Variants in ADK observed in about 807,000 individuals in gnomAD.
The protein encoded by ADK is N6,N6-dimethyladenosine kinase.
ADK carries 24 observed loss-of-function variants against 44.7 expected under a neutral mutation model. The ratio of observed to expected loss-of-function variants is 0.54; its 90% CI spans 0.39 to 0.76. The LOEUF is 0.76. Among genes scored for constraint, ADK ranks in the 30% least tolerant of loss-of-function variants. The pLI, the probability that ADK is intolerant of heterozygous loss-of-function variation, is 0.00. For synonymous variants in ADK, 128 were observed against 142.6 expected, an observed-to-expected ratio of 0.90 and a Z score of 0.73; for missense variants, 321 against 425.1, an observed-to-expected ratio of 0.76 and a Z score of 2.15.
chr10:74,159,969 C>T (rs1407614353), intron 1 of ADK, among the ~76,000 whole-genome samples: 1 of 152,172 alleles, frequency 6.6e-6, no homozygotes, highest in African/African-American at 2.4e-5. Context: ...ATTTATCTCT[C>T]ACGTAGGCCA....
chr10:74,580,704 C>CG (rs1554884021), intron 7 of ADK, among the ~76,000 whole-genome samples: 1 of 152,110 alleles, frequency 6.6e-6, no homozygotes, highest in East Asian at 1.9e-4. Context: ...ACATGGAACT[C>CG]TAAGTCCAAA....
At chr10:74,356,038 G>A (rs1243302847) in intron 4 of ADK, among the ~76,000 whole-genome samples, 11 of 110,900 alleles carry the variant, frequency 9.9e-5, no homozygotes, top group Non-Finnish European at 1.9e-4. Flanking sequence ...TTGAGACGGA[G>A]TCTCGCTCTG....
At chr10:74,503,219 G>A (rs576441167) in intron 6 of ADK, among the ~76,000 whole-genome samples, 1 of 152,218 alleles carries the variant, frequency 6.6e-6, no homozygotes, top group Non-Finnish European at 1.5e-5. Context: ...GCCAGTCCTT[G>A]CTTTAGTTGA....
chr10:74,607,699 A>G (rs1024135003), intron 9 of ADK, among the ~76,000 whole-genome samples: 3 of 152,022 alleles, frequency 2.0e-5, no homozygotes, highest in Non-Finnish European at 2.9e-5. Context: ...GAATCTGACA[A>G]TTATGTGTTT....
intron 6 of ADK, among the ~76,000 whole-genome samples, chr10:74,514,657 C>T (rs73274110): frequency 0.03 from 4,560 of 152,118 alleles, 195 homozygotes; most frequent in African/African-American, 0.092. Flanking sequence ...ATAAACTCTT[C>T]TCCTGACTTT....
intron 1 of ADK, among the ~76,000 whole-genome samples, 171 bp from the exon 2 acceptor site, chr10:74,200,593 A>G (rs1843342994): frequency 6.6e-6 from 1 of 151,398 alleles, no homozygotes; most frequent in Admixed American, 6.6e-5. Flanking sequence ...AAATGTCTTT[A>G]TGCTACCTCT....
chr10:74,662,563 G>A lies in ADK; in HGVS notation c.878-7620G>A, dbSNP rs180912734. On this transcript the variant is annotated intron_variant, in intron 9 of 10. Coordinates refer to ENST00000539909, the MANE Select transcript of ADK (RefSeq NM_006721.4). Reference sequence around the variant, plus strand: ...CCCAAAGTGCTGGGATTATAGACATGAGCCACTGTGCCCAGCAATATTTTC... The same window carrying A: ...CCCAAAGTGCTGGGATTATAGACATAAGCCACTGTGCCCAGCAATATTTTC... 1.8e-4 allele frequency among the ~76,000 whole-genome samples: 28 copies of A among 152,278 alleles called. No individual in the cohort carries two copies. In the East Asian group the frequency reaches 4.6e-3, roughly 25 times the overall value.
Position 74,218,743 on chromosome 10 carries a change from A to G in ADK, c.141-5795A>G, listed in dbSNP as rs185928437. 4.6e-3 allele frequency among the ~76,000 whole-genome samples: 696 copies of G among 152,346 alleles called. 4 individuals carry two copies. Among genetic ancestry groups the G allele is most frequent in the Non-Finnish European group, 7.2e-3 (487 of 68,032 alleles). The stretch of plus-strand genomic sequence containing the variant: ...ATTCTTAAAGAAAAGAATTTTCAAC[A>G]CAGAATTTCATATCCAGCCGAACTA... On this transcript the variant is annotated intron_variant, in intron 2 of 10. Coordinates refer to ENST00000539909, the MANE Select transcript of ADK (RefSeq NM_006721.4).
At chr10:74,427,189 G>C (rs1222063851) in intron 6 of ADK, among the ~76,000 whole-genome samples, 2 of 151,950 alleles carry the variant, frequency 1.3e-5, no homozygotes, top group African/African-American at 4.8e-5. Context: ...CACTTTTGTA[G>C]GTTTATTTTA....
chr10:74,545,175 T>A (rs1564784787), intron 7 of ADK, among the ~76,000 whole-genome samples: 1 of 152,240 alleles, frequency 6.6e-6, no homozygotes, highest in East Asian at 1.9e-4. Context: ...ATTGAGAGCA[T>A]ATTCTGTGTC....
intron 2 of ADK, among the ~76,000 whole-genome samples, chr10:74,213,164 G>A (rs1229370026): frequency 6.6e-6 from 1 of 152,190 alleles, no homozygotes; most frequent in Non-Finnish European, 1.5e-5. Flanking sequence ...CTGGAGTGCA[G>A]TGAGTGGTGC....
chr10:74,462,836 C>T (rs1846218376), intron 6 of ADK, among the ~76,000 whole-genome samples: 1 of 152,010 alleles, frequency 6.6e-6, no homozygotes, highest in African/African-American at 2.4e-5. Flanking sequence ...TAAATGAGGA[C>T]AGAAATCTAT....
chr10:74,215,327 T>G (rs1843970492), intron 2 of ADK, among the ~76,000 whole-genome samples: 3 of 152,238 alleles, frequency 2.0e-5, no homozygotes. Flanking sequence ...AGCTTTCTAC[T>G]AAGTTGAAAG....
At chr10:74,181,725 T>C (rs1430156478) in intron 1 of ADK, among the ~76,000 whole-genome samples, 1 of 152,240 alleles carries the variant, frequency 6.6e-6, no homozygotes, top group Non-Finnish European at 1.5e-5. Flanking sequence ...TCCTAATTTA[T>C]GTATTTTTCA....
intron 9 of ADK, among the ~76,000 whole-genome samples, chr10:74,607,613 TG>T (rs1852373364): frequency 6.6e-6 from 1 of 152,238 alleles, no homozygotes; most frequent in African/African-American, 2.4e-5. Context: ...GTTAGTCTGA[TG>T]GGCTTCCCTT....
At chr10:74,495,383 A>G (rs2133418794) in intron 6 of ADK, among the ~76,000 whole-genome samples, 1 of 152,012 alleles carries the variant, frequency 6.6e-6, no homozygotes. Flanking sequence ...TTTATATTTA[A>G]GAGTGATGCA....
chr10:74,542,047 C>T (rs376849192), intron 7 of ADK, among the ~76,000 whole-genome samples: 1 of 152,018 alleles, frequency 6.6e-6, no homozygotes, highest in African/African-American at 2.4e-5. Context: ...TCAAGACCAG[C>T]CTGGGCAACA....
At chr10:74,598,468 T>TG (rs1852006469) in intron 8 of ADK, among the ~76,000 whole-genome samples, 1 of 143,214 alleles carries the variant, frequency 7.0e-6, no homozygotes, top group African/African-American at 2.7e-5. Flanking sequence ...TTTTTTTTTT[T>TG]GAGATGGCGT....
chr10:74,643,904 A>AT (rs1853964963), intron 9 of ADK, among the ~76,000 whole-genome samples: 1 of 152,108 alleles, frequency 6.6e-6, no homozygotes, highest in Admixed American at 6.6e-5. Context: ...AGATAAGGAG[A>AT]TTTTAACTAG....
Sources: allele counts gnomAD v4.1 joint callset (sites outside exome capture counted in the v4.1 genomes callset), GRCh38; gene constraint gnomAD v4.1.1; transcripts MANE v1.5; gene names NCBI Gene and HGNC (gene_info 2026-07-23, HGNC 2026-07-21).